Variants in PACS1 observed in about 807,000 individuals in gnomAD.
The protein encoded by PACS1 is PACS-1.
A neutral mutation model predicts 115.0 loss-of-function variants in PACS1; 24 were observed. The observed-to-expected ratio is 0.21, with a 90% confidence interval of 0.15 to 0.29. PACS1 has a LOEUF of 0.29. Among genes scored for constraint, PACS1 ranks in the 10% least tolerant of loss-of-function variants. PACS1 has a pLI of 1.00. For missense variants in PACS1, 838 were observed against 1,251.2 expected, an observed-to-expected ratio of 0.67 and a Z score of 4.98; for synonymous variants, 453 against 504.5, an observed-to-expected ratio of 0.90 and a Z score of 1.37.
chr11:66,170,858 C>T (rs1413153277), intron 1 of PACS1, among the ~76,000 whole-genome samples: 5 of 144,546 alleles, frequency 3.5e-5, no homozygotes, highest in South Asian at 4.3e-4. Flanking sequence ...TGCAGTGAGC[C>T]GAGATTGTGC....
At chr11:66,097,185 G>GC (rs1857805199) in intron 1 of PACS1, among the ~76,000 whole-genome samples, 1 of 152,144 alleles carries the variant, frequency 6.6e-6, no homozygotes, top group South Asian at 2.1e-4. Context: ...GGTATTTATG[G>GC]CCTAGTAGTC....
In PACS1 at chr11:66,129,998, T is replaced by G. The variant is rs541190483; in HGVS notation, c.356+59156T>G. Among the ~76,000 whole-genome samples, 3 of 152,250 alleles carry G rather than the reference T, an allele frequency of 2.0e-5. No homozygotes were observed. In the East Asian group the frequency reaches 5.8e-4, roughly 29 times the overall value. On this transcript the variant is annotated intron_variant, in intron 1 of 23. Transcript: ENST00000320580. Reference sequence around the variant, plus strand: ...TGAAAACAATTCAGCTGGATTATAATTTTGATTTATTTTCCATCCAGTCTA... The same window carrying G: ...TGAAAACAATTCAGCTGGATTATAAGTTTGATTTATTTTCCATCCAGTCTA...
intron 13 of PACS1, among the ~76,000 whole-genome samples, chr11:66,231,200 C>T (rs767979396): frequency 5.9e-5 from 9 of 152,266 alleles, no homozygotes; most frequent in South Asian, 2.1e-4. Flanking sequence ...TGGCCTGCCA[C>T]GGCTGCGAGT....
chr11:66,225,609 A>AT (rs1855456290), intron 10 of PACS1, among the ~76,000 whole-genome samples: 4 of 152,280 alleles, frequency 2.6e-5, no homozygotes, highest in South Asian at 2.1e-4. Flanking sequence ...TACAATTTTT[A>AT]TTTGTCAATT....
At chr11:66,227,068 C>G (rs1855482540) in intron 10 of PACS1, among the ~76,000 whole-genome samples, 1 of 152,150 alleles carries the variant, frequency 6.6e-6, no homozygotes, top group Non-Finnish European at 1.5e-5. Flanking sequence ...ATTTGGCTAC[C>G]ATGGATGTCT....
At chr11:66,123,123 A>G (rs1286999796) in intron 1 of PACS1, among the ~76,000 whole-genome samples, 2 of 152,056 alleles carry the variant, frequency 1.3e-5, no homozygotes, top group Non-Finnish European at 2.9e-5. Context: ...GCAGCCATCA[A>G]CATTGAGGCA....
At chr11:66,076,386 T>C (rs1272831714) in intron 1 of PACS1, among the ~76,000 whole-genome samples, 1 of 152,146 alleles carries the variant, frequency 6.6e-6, no homozygotes, top group Non-Finnish European at 1.5e-5. Context: ...TCAGGAGGCT[T>C]GTCCAGTTTG....
chr11:66,090,021 A>AG (rs1020592463), intron 1 of PACS1, among the ~76,000 whole-genome samples: 2 of 151,034 alleles, frequency 1.3e-5, no homozygotes, highest in Non-Finnish European at 1.5e-5. Context: ...AAAAAAAAAA[A>AG]AAAAGAAATG....
At chr11:66,241,164 C>T in intron 21 of PACS1, 1 of 452,136 alleles carries the variant, frequency 2.2e-6, no homozygotes, top group South Asian at 2.9e-5. Context: ...CATAAAGCTT[C>T]CTTCTCTGCT....
chr11:66,242,770 C>T (rs1360823257), intron 22 of PACS1, 142 bp from the exon 23 acceptor site: 2 of 1,128,454 alleles, frequency 1.8e-6, no homozygotes, highest in Non-Finnish European at 1.3e-6. Flanking sequence ...AGATCCTGAC[C>T]CACAGCCCAG....
chr11:66,111,620 A>G (rs2134546256), intron 1 of PACS1, among the ~76,000 whole-genome samples: 1 of 152,224 alleles, frequency 6.6e-6, no homozygotes, highest in Non-Finnish European at 1.5e-5. Flanking sequence ...CCAGAAACCT[A>G]GGAATTATCC....
chr11:66,162,112 G>GTTTTTT lies in PACS1; in HGVS notation c.357-31348_357-31343dup, dbSNP rs58980906. On this transcript the variant is annotated intron_variant, in intron 1 of 23. Coordinates refer to ENST00000320580, the MANE Select transcript of PACS1 (RefSeq NM_018026.4). ...ATGTTTTCTGTTGGTGGTGGTGGTG[G>GTTTTTT]TTTTTTTTTTTTTTTTTTTTTTTTT... is the stretch of plus-strand genomic sequence containing the variant. 5.3e-4 allele frequency among the ~76,000 whole-genome samples: 30 copies of GTTTTTT among 56,368 alleles called. 1 individual carries two copies. The highest frequency in any genetic ancestry group is 4.3e-3 in the East Asian group (6 of 1,380). 37.0% of individuals were successfully genotyped at this position (56,368 alleles called of 152,430 possible).
intron 1 of PACS1, among the ~76,000 whole-genome samples, chr11:66,099,910 G>A (rs774071895): frequency 2.2e-4 from 33 of 148,768 alleles, no homozygotes; most frequent in African/African-American, 6.2e-4. Context: ...GTGCAATGGC[G>A]CAATCTCGGT....
chr11:66,100,203 C>G (rs770001969), intron 1 of PACS1, among the ~76,000 whole-genome samples: 7 of 152,130 alleles, frequency 4.6e-5, no homozygotes, highest in Non-Finnish European at 8.8e-5. Context: ...TCTTAAAAAC[C>G]ATGTATTCAG....
At chr11:66,194,450 A>C (rs1854604047) in intron 2 of PACS1, among the ~76,000 whole-genome samples, 2 of 152,210 alleles carry the variant, frequency 1.3e-5, no homozygotes, top group South Asian at 4.1e-4. Context: ...CCTGAATTTA[A>C]GGAAAAGAGA....
intron 1 of PACS1, among the ~76,000 whole-genome samples, chr11:66,180,003 T>C (rs906305902): frequency 5.3e-5 from 8 of 151,956 alleles, no homozygotes; most frequent in Admixed American, 3.9e-4. Flanking sequence ...CCACCACATC[T>C]GGCTAATTTT....
intron 10 of PACS1, among the ~76,000 whole-genome samples, chr11:66,224,830 C>T (rs981984622): frequency 2.0e-5 from 3 of 152,198 alleles, no homozygotes; most frequent in Non-Finnish European, 4.4e-5. Context: ...GGTGTGCACG[C>T]ACCACCTCAA....
At chr11:66,230,777 C>A in intron 12 of PACS1, 28 bp from the exon 13 acceptor site, 1 of 1,613,926 alleles carries the variant, frequency 6.2e-7, no homozygotes, top group East Asian at 2.2e-5. Context: ...GGGGCTATTT[C>A]ACCAGCCTTT....
At chr11:66,202,628 C>T (rs922762182) in intron 2 of PACS1, among the ~76,000 whole-genome samples, 1 of 150,462 alleles carries the variant, frequency 6.6e-6, no homozygotes, top group Non-Finnish European at 1.5e-5. Context: ...GTGGCTCCCA[C>T]CTGTAATCCC....
Sources: allele counts gnomAD v4.1 joint callset (sites outside exome capture counted in the v4.1 genomes callset), GRCh38; gene constraint gnomAD v4.1.1; transcripts MANE v1.5; gene names NCBI Gene and HGNC (gene_info 2026-07-23, HGNC 2026-07-21).